The following ACOXL variants were observed in gnomAD, a reference collection of about 807,000 sequenced individuals.
ACOXL encodes acyl-CoA oxidase like.
ACOXL carries 70 observed loss-of-function variants against 71.9 expected under a neutral mutation model. The ratio of observed to expected loss-of-function variants is 0.97; its 90% CI spans 0.80 to 1.19. The LOEUF is 1.19. ACOXL is among the 50% of genes most tolerant of loss of function. ACOXL has a pLI of 0.00. For missense variants in ACOXL, 703 were observed against 736.3 expected (o/e 0.95, Z 0.52); for synonymous variants, 253 against 281.6 (o/e 0.90, Z 1.02).
chr2:110,830,343 A>C (rs1689669698), intron 9 of ACOXL, among the ~76,000 whole-genome samples: 1 of 152,156 alleles, frequency 6.6e-6, no homozygotes. Context: ...GTACGCATCT[A>C]CATTGTGTCT....
chr2:111,107,295 C>T (rs1393464921), intron 17 of ACOXL, among the ~76,000 whole-genome samples: 1 of 152,142 alleles, frequency 6.6e-6, no homozygotes, highest in African/African-American at 2.4e-5. Flanking sequence ...TGTGTCATTC[C>T]TTGAATCCTA....
Position 111,065,932 on chromosome 2 carries a change from A to C in ACOXL, c.1440+16644A>C, listed in dbSNP as rs552824927. 2.2e-3 allele frequency among the ~76,000 whole-genome samples: 330 copies of C among 152,366 alleles called. 1 individual carries two copies. The highest frequency in any genetic ancestry group is 7.6e-3 in the African/African-American group (316 of 41,584). On this transcript the variant is annotated intron_variant, in intron 16 of 17. Transcript: ENST00000439055. ...TCATTCATACATTGCTGGTGGGAAT[A>C]TAAAATGGTACAGCCACTCTGAAAA... is the stretch of plus-strand genomic sequence containing the variant.
chr2:110,998,895 C>T (rs2063505321), intron 14 of ACOXL, among the ~76,000 whole-genome samples: 1 of 152,118 alleles, frequency 6.6e-6, no homozygotes, highest in Admixed American at 6.5e-5. Context: ...TGTATAGAAA[C>T]AAATCTAATT....
At chr2:111,041,952 G>C (rs780307680) in intron 15 of ACOXL, among the ~76,000 whole-genome samples, 2 of 152,190 alleles carry the variant, frequency 1.3e-5, no homozygotes, top group African/African-American at 4.8e-5. Context: ...TGAATGTCTC[G>C]GGTTTGCAAT....
intron 10 of ACOXL, chr2:110,886,785 A>C (rs1470335467): frequency 1.3e-6 from 2 of 1,550,938 alleles, no homozygotes; most frequent in Admixed American, 2.0e-5. Flanking sequence ...TTCTAGGTCC[A>C]GAATCATCTC....
At chr2:110,750,413 C>A (rs182453339) in intron 1 of ACOXL, among the ~76,000 whole-genome samples, 13 of 152,070 alleles carry the variant, frequency 8.5e-5, no homozygotes, top group Admixed American at 2.0e-4. Flanking sequence ...ATTTTCCCTG[C>A]CCCTGTCCTA....
intron 9 of ACOXL, among the ~76,000 whole-genome samples, chr2:110,830,312 G>A (rs1689664598): frequency 6.6e-6 from 1 of 151,962 alleles, no homozygotes; most frequent in Admixed American, 6.6e-5. Flanking sequence ...CCTAACATCA[G>A]GTATTGACTC....
chr2:110,944,174 C>T (rs967559254), intron 12 of ACOXL, among the ~76,000 whole-genome samples: 2 of 152,178 alleles, frequency 1.3e-5, no homozygotes, highest in African/African-American at 4.8e-5. Context: ...TCTCCGGCCT[C>T]AGCCTCAGCC....
chr2:111,061,597 A>C (rs2066815978), intron 16 of ACOXL, among the ~76,000 whole-genome samples: 1 of 152,198 alleles, frequency 6.6e-6, no homozygotes, highest in Admixed American at 6.5e-5. Flanking sequence ...AAATTCAATT[A>C]GCTCTCCTTC....
chr2:110,858,223 G>T (rs1341244009), intron 10 of ACOXL, among the ~76,000 whole-genome samples: 3 of 152,132 alleles, frequency 2.0e-5, no homozygotes, highest in Admixed American at 6.5e-5. Context: ...AAGGAAAAAG[G>T]CAATATCCAG....
intron 17 of ACOXL, among the ~76,000 whole-genome samples, chr2:111,112,407 C>T (rs2070046201): frequency 4.6e-5 from 7 of 152,204 alleles, no homozygotes; most frequent in Admixed American, 3.3e-4. Flanking sequence ...TCACAGCACA[C>T]GCTATGAGAT....
intron 16 of ACOXL, among the ~76,000 whole-genome samples, chr2:111,073,886 A>G (rs1438267813): frequency 6.6e-6 from 1 of 152,184 alleles, no homozygotes; most frequent in East Asian, 1.9e-4. Context: ...CTTCCGATCC[A>G]TTTTATTAGT....
In ACOXL at chr2:111,091,400, C is replaced by A. The variant is rs574149783; in HGVS notation, c.1441-1465C>A. On this transcript the variant is annotated intron_variant, in intron 16 of 17. Coordinates refer to ENST00000439055, the MANE Select transcript of ACOXL (RefSeq NM_001142807.4). ...TAGATTATTTCTAAGAACTCTTATA[C>A]TTCTAGAGCTCTGGATTTCTTGTCA... Among the ~76,000 whole-genome samples, 72 of 152,252 alleles carry A rather than the reference C, an allele frequency of 4.7e-4. No homozygotes were observed. The South Asian group carries it at 0.014, about 30-fold the overall frequency.
intron 17 of ACOXL, among the ~76,000 whole-genome samples, chr2:111,116,882 C>T (rs2070394506): frequency 6.6e-6 from 1 of 152,220 alleles, no homozygotes; most frequent in Non-Finnish European, 1.5e-5. Context: ...AGTGCAGCTT[C>T]CAAAACACTG....
intron 10 of ACOXL, among the ~76,000 whole-genome samples, chr2:110,901,622 A>T (rs2059233585): frequency 6.7e-6 from 1 of 150,310 alleles, no homozygotes; most frequent in African/African-American, 2.5e-5. Flanking sequence ...TCTACTATCA[A>T]AGAAGCATAT....
At chr2:110,781,456 A>G (rs1683323347) in intron 2 of ACOXL, among the ~76,000 whole-genome samples, 1 of 152,044 alleles carries the variant, frequency 6.6e-6, no homozygotes, top group African/African-American at 2.4e-5. Flanking sequence ...ACTGGCCAGC[A>G]TGGTGAAACC....
intron 16 of ACOXL, among the ~76,000 whole-genome samples, chr2:111,092,415 T>A (rs1274587558): frequency 6.6e-6 from 1 of 152,204 alleles, no homozygotes; most frequent in Non-Finnish European, 1.5e-5. Context: ...TGAGGAATGC[T>A]ATTTTTTGTG....
At chr2:110,733,838 AGT>A (rs1391637375) in intron 1 of ACOXL, among the ~76,000 whole-genome samples, 1 of 152,172 alleles carries the variant, frequency 6.6e-6, no homozygotes, top group African/African-American at 2.4e-5. Context: ...TGGTTCTCAA[AGT>A]GTGGTACAGG....
intron 10 of ACOXL, among the ~76,000 whole-genome samples, chr2:110,873,178 A>G (rs1695476861): frequency 1.3e-5 from 2 of 152,152 alleles, no homozygotes; most frequent in African/African-American, 4.8e-5. Flanking sequence ...TGTGCACACC[A>G]TGGGTCACTG....
Sources: gnomAD v4.1 joint callset for allele counts (sites outside exome capture counted in the v4.1 genomes callset) on GRCh38, gnomAD v4.1.1 for gene constraint, MANE v1.5 for transcripts, NCBI Gene and HGNC (gene_info 2026-07-23, HGNC 2026-07-21) for gene names.